GABRB2: variants seen among roughly 807,000 people sequenced by gnomAD.
GABRB2 encodes gamma-aminobutyric acid receptor subunit beta-2.
Under a neutral mutation model 54.7 loss-of-function variants are expected in GABRB2, and 16 were observed. The ratio of observed to expected loss-of-function variants is 0.29; its 90% CI spans 0.20 to 0.44. GABRB2 has a LOEUF of 0.44. Ranked by LOEUF, GABRB2 falls within the 20% of genes least tolerant of loss-of-function variation. The probability of loss-of-function intolerance (pLI) is 1.00; values close to 1 mark genes in which losing one functional copy is unlikely to be tolerated. For missense variants in GABRB2, 355 were observed against 644.0 expected (o/e 0.55, Z 4.86); for synonymous variants, 244 against 233.8 (o/e 1.04, Z -0.40).
Position 161,418,924 on chromosome 5 carries a change from C to T in GABRB2, c.459-7867G>A, listed in dbSNP as rs572506756. On this transcript the variant is annotated intron_variant, in intron 4 of 9. Transcript: ENST00000393959. ...GGCAGATTGCTTGAGCCCATGAGTT[C>T]GAGACCAGCGGGGGAAGCATGGCAA... Among the ~76,000 whole-genome samples the T allele has an allele frequency of 4.0e-3, 605 of 152,158 alleles. 2 individuals are homozygous for T. Among genetic ancestry groups the T allele is most frequent in the Non-Finnish European group, 7.4e-3 (505 of 67,988 alleles).
chr5:161,413,927 G>A (rs370252453), intron 4 of GABRB2, among the ~76,000 whole-genome samples: 3 of 152,160 alleles, frequency 2.0e-5, no homozygotes, highest in African/African-American at 7.2e-5. Flanking sequence ...ACTAGCATCC[G>A]TGAACTGGTG....
chr5:161,439,627 A>G (rs1757404964), intron 4 of GABRB2, among the ~76,000 whole-genome samples: 1 of 152,250 alleles, frequency 6.6e-6, no homozygotes, highest in African/African-American at 2.4e-5. Flanking sequence ...AATAAGATAT[A>G]AATAGAAAAA....
At chr5:161,423,119 T>C (rs1463637565) in intron 4 of GABRB2, among the ~76,000 whole-genome samples, 1 of 152,154 alleles carries the variant, frequency 6.6e-6, no homozygotes, top group Non-Finnish European at 1.5e-5. Context: ...TATTTATTCA[T>C]GTATTTGCAG....
intron 7 of GABRB2, among the ~76,000 whole-genome samples, chr5:161,333,608 T>C (rs2113402993): frequency 6.6e-6 from 1 of 152,280 alleles, no homozygotes; most frequent in East Asian, 1.9e-4. Context: ...TGTCGTGGCC[T>C]ACCATCCCTT....
intron 3 of GABRB2, among the ~76,000 whole-genome samples, chr5:161,536,330 G>GCCAAAATTGTGC (rs1760633650): frequency 6.6e-6 from 1 of 152,022 alleles, no homozygotes; most frequent in Admixed American, 6.5e-5. Context: ...ACAACAGTTC[G>GCCAAAATTGTGC]CCAAAATTGT....
intron 3 of GABRB2, among the ~76,000 whole-genome samples, chr5:161,529,418 G>A (rs1055009804): frequency 1.3e-5 from 2 of 151,914 alleles, no homozygotes; most frequent in Non-Finnish European, 2.9e-5. Context: ...AACATCAGAA[G>A]AACACAAAAT....
intron 3 of GABRB2, among the ~76,000 whole-genome samples, chr5:161,526,699 G>T (rs1382385323): frequency 6.6e-6 from 1 of 151,112 alleles, no homozygotes; most frequent in Non-Finnish European, 1.5e-5. Flanking sequence ...ATTTGGCCAA[G>T]AATCAAAAAT....
intron 5 of GABRB2, among the ~76,000 whole-genome samples, chr5:161,404,007 A>C (rs1045046547): frequency 6.6e-6 from 1 of 152,166 alleles, no homozygotes; most frequent in Non-Finnish European, 1.5e-5. Flanking sequence ...TTAATATTCA[A>C]TATTAAGACA....
chr5:161,412,470 G>A (rs1250428697), intron 4 of GABRB2, among the ~76,000 whole-genome samples: 2 of 152,104 alleles, frequency 1.3e-5, no homozygotes, highest in Non-Finnish European at 2.9e-5. Flanking sequence ...CACTGCAGGA[G>A]CTTGGTCTCC....
At chr5:161,524,269 C>A (rs1047397442) in intron 3 of GABRB2, among the ~76,000 whole-genome samples, 7 of 151,188 alleles carry the variant, frequency 4.6e-5, no homozygotes, top group African/African-American at 1.7e-4. Flanking sequence ...TACTACAAAG[C>A]AAACTTGAAC....
rs1245370777 is a variant in GABRB2, at chr5:161,470,871, TTAA to T, written c.238-11030_238-11028del. Among the ~76,000 whole-genome samples the T allele has an allele frequency of 2.6e-5, 4 of 152,148 alleles. No individual in the cohort carries two copies. The East Asian group carries it at 7.8e-4, about 30-fold the overall frequency. On this transcript the variant is annotated intron_variant, in intron 3 of 9. Coordinates refer to ENST00000393959, the MANE Select transcript of GABRB2 (RefSeq NM_001371727.1). ...CAGAAACCATGTCATCATTTCTTGG[TTAA>T]GTGATCCAGGCGTCTTATCTTTAAC...
intron 6 of GABRB2, among the ~76,000 whole-genome samples, chr5:161,336,360 T>G (rs1393623933): frequency 1.3e-5 from 2 of 152,142 alleles, no homozygotes. Flanking sequence ...AGGTCTTTAT[T>G]TCTCTTCCTG....
intron 5 of GABRB2, 106 bp from the exon 6 acceptor site, chr5:161,336,875 TAATATA>T: frequency 2.5e-6 from 3 of 1,181,326 alleles, no homozygotes; most frequent in Middle Eastern, 2.0e-4. Flanking sequence ...CCTATATAAA[TAATATA>T]AAGATATAGC....
At chr5:161,349,606 G>A (rs183821625) in intron 5 of GABRB2, among the ~76,000 whole-genome samples, 19 of 152,194 alleles carry the variant, frequency 1.2e-4, no homozygotes, top group African/African-American at 3.9e-4. Flanking sequence ...AAGACTGAAG[G>A]TTCTGTCCAG....
chr5:161,458,629 T>A lies in GABRB2; in HGVS notation c.458+995A>T, dbSNP rs559561988. ...GGCTCTGAACTTGGAACAGGGTTTA[T>A]GTACCATCTCCAGAGATTACTTTCT... On this transcript the variant is annotated intron_variant, in intron 4 of 9. Coordinates refer to ENST00000393959, the MANE Select transcript of GABRB2 (RefSeq NM_001371727.1). Among the ~76,000 whole-genome samples, 13 of 152,346 alleles carry A rather than the reference T, an allele frequency of 8.5e-5. No individual in the cohort carries two copies. In the South Asian group the frequency reaches 2.3e-3, roughly 27 times the overall value.
At chr5:161,359,103 G>A (rs1476473673) in intron 5 of GABRB2, among the ~76,000 whole-genome samples, 1 of 152,014 alleles carries the variant, frequency 6.6e-6, no homozygotes, top group African/African-American at 2.4e-5. Flanking sequence ...ATGTGTGACT[G>A]TCTTTTTTTG....
In GABRB2 at chr5:161,294,073, G is replaced by A. The variant is rs1195238693; in HGVS notation, c.*8C>T. The A allele has an allele frequency of 6.3e-7, 1 of 1,597,878 alleles. No individual in the cohort carries two copies. Among genetic ancestry groups the A allele is most frequent in the Non-Finnish European group, 8.6e-7 (1 of 1,166,928 alleles). ...ATCTAGTCCTTGCTTCCAGTGGGAG[G>A]CCATGTTTTAGTTCACATAATAAAG... On this transcript the variant is annotated 3_prime_UTR_variant, in exon 10 of 10. Coordinates refer to ENST00000393959, the MANE Select transcript of GABRB2 (RefSeq NM_001371727.1).
chr5:161,347,154 G>A (rs539807485), intron 5 of GABRB2, among the ~76,000 whole-genome samples: 2 of 152,226 alleles, frequency 1.3e-5, no homozygotes, highest in East Asian at 3.9e-4. Flanking sequence ...CATTTCTTGT[G>A]TGAAGCCAAG....
intron 8 of GABRB2, chr5:161,329,413 C>G (rs1021947821): frequency 2.6e-5 from 4 of 152,052 alleles, no homozygotes; most frequent in African/African-American, 9.7e-5. Context: ...TGACAATTTC[C>G]TAGACCCTTA....
Sources: allele counts gnomAD v4.1 joint callset (sites outside exome capture counted in the v4.1 genomes callset), GRCh38; gene constraint gnomAD v4.1.1; transcripts MANE v1.5; gene names NCBI Gene and HGNC (gene_info 2026-07-23, HGNC 2026-07-21).